The following ZCCHC7 variants were observed in gnomAD, a reference collection of about 807,000 sequenced individuals.
The protein encoded by ZCCHC7 is zinc finger CCHC domain-containing protein 7.
A neutral mutation model predicts 52.0 loss-of-function variants in ZCCHC7; 35 were observed. That is an observed-to-expected ratio of 0.67 (90% CI 0.51 to 0.89). The LOEUF is 0.89. Ranked by LOEUF, ZCCHC7 falls within the 40% of genes least tolerant of loss-of-function variation. The pLI is 0.00. For synonymous variants in ZCCHC7, 217 were observed against 221.5 expected, an observed-to-expected ratio of 0.98 and a Z score of 0.18; for missense variants, 574 against 649.1, an observed-to-expected ratio of 0.88 and a Z score of 1.26.
chr9:37,230,351 A>AACAGTGACTACACC (rs1385957036), intron 2 of ZCCHC7, among the ~76,000 whole-genome samples: 11 of 152,300 alleles, frequency 7.2e-5, no homozygotes, highest in Admixed American at 1.3e-4. Flanking sequence ...GTTAAAACAT[A>AACAGTGACTACACC]ACAGTGACTA....
intron 2 of ZCCHC7, among the ~76,000 whole-genome samples, chr9:37,167,024 A>C (rs2132949957): frequency 6.6e-6 from 1 of 152,286 alleles, no homozygotes; most frequent in Admixed American, 6.5e-5. Context: ...CAGATTTTGG[A>C]AAATTTCAAA....
intron 2 of ZCCHC7, among the ~76,000 whole-genome samples, chr9:37,142,214 A>G (rs1028091254): frequency 6.6e-6 from 1 of 151,788 alleles, no homozygotes; most frequent in African/African-American, 2.4e-5. Flanking sequence ...TATACTGTAA[A>G]TAGGCTAAAA....
At chr9:37,221,058 G>T (rs1824783639) in intron 2 of ZCCHC7, among the ~76,000 whole-genome samples, 1 of 152,190 alleles carries the variant, frequency 6.6e-6, no homozygotes, top group African/African-American at 2.4e-5. Flanking sequence ...TAATCAACTT[G>T]GGTTGAAGAA....
chr9:37,162,693 A>G (rs1821171992), intron 2 of ZCCHC7, among the ~76,000 whole-genome samples: 1 of 152,234 alleles, frequency 6.6e-6, no homozygotes, highest in Non-Finnish European at 1.5e-5. Context: ...AACTCTTGGT[A>G]TGGATAGATG....
chr9:37,206,296 T>G (rs1164427330), intron 2 of ZCCHC7, among the ~76,000 whole-genome samples: 5 of 83,788 alleles, frequency 6.0e-5, no homozygotes, highest in East Asian at 3.4e-4. Context: ...CCCTTCCCCC[T>G]TCCCCCTCTC....
intron 2 of ZCCHC7, among the ~76,000 whole-genome samples, chr9:37,275,893 C>T (rs1283751714): frequency 6.6e-6 from 1 of 152,112 alleles, no homozygotes; most frequent in Admixed American, 6.6e-5. Context: ...TCAGGTGATC[C>T]GCCTGCCTCA....
chr9:37,270,401 TC>T (rs1345043405), intron 2 of ZCCHC7, among the ~76,000 whole-genome samples: 2 of 151,788 alleles, frequency 1.3e-5, no homozygotes, highest in African/African-American at 4.8e-5. Flanking sequence ...TGAAAAGACC[TC>T]CTAGGAGGCT....
intron 2 of ZCCHC7, among the ~76,000 whole-genome samples, chr9:37,150,282 A>G (rs1036944342): frequency 5.9e-5 from 9 of 152,362 alleles, no homozygotes; most frequent in Admixed American, 2.0e-4. Flanking sequence ...AAGGTTTAAT[A>G]TAGAAAGTCA....
At chr9:37,141,670 A>G (rs1421992084) in intron 2 of ZCCHC7, among the ~76,000 whole-genome samples, 1 of 151,906 alleles carries the variant, frequency 6.6e-6, no homozygotes, top group Non-Finnish European at 1.5e-5. Flanking sequence ...TAATTTAAAT[A>G]TTATTGTATA....
At chr9:37,335,542 G>A (rs1459595767) in intron 6 of ZCCHC7, among the ~76,000 whole-genome samples, 1 of 152,122 alleles carries the variant, frequency 6.6e-6, no homozygotes, top group Non-Finnish European at 1.5e-5. Context: ...ATACCTGACA[G>A]ACAGAGCATG....
At chr9:37,211,162 C>T (rs1233353497) in intron 2 of ZCCHC7, among the ~76,000 whole-genome samples, 3 of 152,088 alleles carry the variant, frequency 2.0e-5, no homozygotes, top group Non-Finnish European at 2.9e-5. Flanking sequence ...ATGATCAAAA[C>T]GTTTAGGGAT....
intron 2 of ZCCHC7, among the ~76,000 whole-genome samples, chr9:37,289,254 A>G (rs751208984): frequency 6.6e-6 from 1 of 151,414 alleles, no homozygotes; most frequent in Non-Finnish European, 1.5e-5. Flanking sequence ...GGTTCAAGCA[A>G]TTCTCCTGCA....
intron 2 of ZCCHC7, among the ~76,000 whole-genome samples, chr9:37,161,821 A>G (rs1315846017): frequency 1.3e-5 from 2 of 152,204 alleles, no homozygotes; most frequent in Non-Finnish European, 1.5e-5. Flanking sequence ...GCAGTTCTGC[A>G]TTTGACTCTT....
intron 2 of ZCCHC7, among the ~76,000 whole-genome samples, chr9:37,147,662 T>C (rs1252636972): frequency 6.6e-6 from 1 of 152,044 alleles, no homozygotes; most frequent in Non-Finnish European, 1.5e-5. Context: ...ATAAAAGATA[T>C]GTCAATCATA....
intron 5 of ZCCHC7, among the ~76,000 whole-genome samples, chr9:37,320,987 C>CT (rs11303114): frequency 0.082 from 9,518 of 116,176 alleles, 674 homozygotes; most frequent in Admixed American, 0.14. Flanking sequence ...TTTCTTTTTT[C>CT]TTTTTTTTTT....
intron 2 of ZCCHC7, among the ~76,000 whole-genome samples, chr9:37,259,783 C>T (rs1588566041): frequency 6.6e-6 from 1 of 152,114 alleles, no homozygotes; most frequent in Non-Finnish European, 1.5e-5. Flanking sequence ...AACCAAATGA[C>T]TTCATGACTT....
intron 5 of ZCCHC7, among the ~76,000 whole-genome samples, chr9:37,313,344 T>G (rs1238285220): frequency 6.6e-6 from 1 of 152,198 alleles, no homozygotes; most frequent in Admixed American, 6.5e-5. Context: ...GTCTTCTTGA[T>G]GTACACAAAA....
At chr9:37,180,530 C>T (rs779656516) in intron 2 of ZCCHC7, among the ~76,000 whole-genome samples, 39 of 151,938 alleles carry the variant, frequency 2.6e-4, no homozygotes, top group Non-Finnish European at 4.4e-4. Context: ...AACGTCTTGT[C>T]TTTTTGAATG....
In ZCCHC7 at chr9:37,212,026, CAAAAAAAAAAAAAAAAAAAAAAAA is replaced by C. The variant is rs574190937; in HGVS notation, c.610+85100_610+85123del. Among the ~76,000 whole-genome samples, 153 of 55,428 alleles carry C rather than the reference CAAAAAAAAAAAAAAAAAAAAAAAA, an allele frequency of 2.8e-3. 1 individual carries two copies. The highest frequency in any genetic ancestry group is 7.3e-3 in the African/African-American group (118 of 16,180). 36.4% of individuals were successfully genotyped at this position (55,428 alleles called of 152,430 possible). Reference sequence around the variant, plus strand: ...TGGGTGACAGAGCGAGACTCCGTCTCAAAAAAAAAAAAAAAAAAAAAAAAAAAAAAAAAAAAAAAGAAAATCTTT... The same window carrying C: ...TGGGTGACAGAGCGAGACTCCGTCTCAAAAAAAAAAAAAAAGAAAATCTTT... On this transcript the variant is annotated intron_variant, in intron 2 of 8. Coordinates refer to ENST00000336755, the MANE Select transcript of ZCCHC7 (RefSeq NM_032226.3).
Sources: gnomAD v4.1 joint callset for allele counts (sites outside exome capture counted in the v4.1 genomes callset) on GRCh38, gnomAD v4.1.1 for gene constraint, MANE v1.5 for transcripts, NCBI Gene and HGNC (gene_info 2026-07-23, HGNC 2026-07-21) for gene names.